NCAM2: variants seen among roughly 807,000 people sequenced by gnomAD.
NCAM2 encodes the protein neural cell adhesion molecule 2.
Under a neutral mutation model 98.1 loss-of-function variants are expected in NCAM2, and 30 were observed. The ratio of observed to expected loss-of-function variants is 0.31; its 90% CI spans 0.23 to 0.41. NCAM2 has a LOEUF of 0.41. Among genes scored for constraint, NCAM2 ranks in the 10% least tolerant of loss-of-function variants. The pLI, the probability that NCAM2 is intolerant of heterozygous loss-of-function variation, is 1.00. For synonymous variants in NCAM2, 368 were observed against 342.4 expected, an observed-to-expected ratio of 1.07 and a Z score of -0.83; for missense variants, 867 against 1,005.8, an observed-to-expected ratio of 0.86 and a Z score of 1.87.
At chr21:21,197,328 C>T (rs892328093) in intron 1 of NCAM2, among the ~76,000 whole-genome samples, 3 of 152,074 alleles carry the variant, frequency 2.0e-5, no homozygotes, top group African/African-American at 7.2e-5. Flanking sequence ...TGAGGTTTCA[C>T]CATGTTGGCC....
At chr21:21,344,157 T>C (rs2075124873) in intron 8 of NCAM2, among the ~76,000 whole-genome samples, 1 of 152,176 alleles carries the variant, frequency 6.6e-6, no homozygotes, top group South Asian at 2.1e-4. Context: ...GAGAACACAC[T>C]GGCTTTCATG....
intron 5 of NCAM2, among the ~76,000 whole-genome samples, chr21:21,296,587 T>C (rs2147610410): frequency 6.6e-6 from 1 of 151,694 alleles, no homozygotes; most frequent in Non-Finnish European, 1.5e-5. Context: ...AAAACCTGAT[T>C]TATGGGACAA....
chr21:21,348,227 A>G (rs1462799684), intron 8 of NCAM2, among the ~76,000 whole-genome samples: 1 of 152,126 alleles, frequency 6.6e-6, no homozygotes. Context: ...GAGACTTCAC[A>G]AGAAAACTGT....
intron 1 of NCAM2, among the ~76,000 whole-genome samples, chr21:21,105,729 A>G (rs2066330364): frequency 6.6e-6 from 1 of 152,152 alleles, no homozygotes; most frequent in Non-Finnish European, 1.5e-5. Flanking sequence ...TTTATTGTAG[A>G]TAAGACACTA....
chr21:21,474,124 A>G (rs1984842332), intron 14 of NCAM2, among the ~76,000 whole-genome samples: 1 of 151,984 alleles, frequency 6.6e-6, no homozygotes, highest in Non-Finnish European at 1.5e-5. Flanking sequence ...ACAGATATGC[A>G]TACTTGAGAT....
intron 5 of NCAM2, among the ~76,000 whole-genome samples, chr21:21,310,910 G>A (rs1335103315): frequency 6.6e-6 from 1 of 152,038 alleles, no homozygotes; most frequent in Admixed American, 6.5e-5. Context: ...TGCCATATTA[G>A]CACAGCTTTA....
intron 1 of NCAM2, among the ~76,000 whole-genome samples, chr21:21,178,639 A>G (rs1389662407): frequency 6.6e-6 from 1 of 152,058 alleles, no homozygotes; most frequent in Non-Finnish European, 1.5e-5. Context: ...CAAGATCTCC[A>G]TATCTGTATT....
At position 21,537,884 on chromosome 21, in the gene NCAM2, TA is replaced by T; in HGVS notation, c.2444del (p.Asn815IlefsTer5). 1 of 1,579,462 alleles carries T rather than the reference TA, an allele frequency of 6.3e-7. No individual in the cohort carries two copies. Among genetic ancestry groups the T allele is most frequent in the South Asian group, 1.2e-5 (1 of 85,458 alleles). ...PLKEEDGKEA[L>X]NPETIEIKVS... ...AAGGAAGAAGATGGGAAAGAAGCTC[TA>T]AATCCAGAAACTATAGAAATTAAAG... On this transcript the variant is annotated frameshift_variant, in exon 18 of 18. Coordinates refer to ENST00000400546, the MANE Select transcript of NCAM2 (RefSeq NM_004540.5). LOFTEE classifies it high-confidence loss of function.
At chr21:21,111,406 A>G (rs965114524) in intron 1 of NCAM2, among the ~76,000 whole-genome samples, 1 of 152,196 alleles carries the variant, frequency 6.6e-6, no homozygotes, top group African/African-American at 2.4e-5. Flanking sequence ...GGTTGGCAGA[A>G]GTGATATCAG....
intron 4 of NCAM2, among the ~76,000 whole-genome samples, chr21:21,287,717 C>T (rs1050115112): frequency 3.9e-5 from 6 of 151,906 alleles, no homozygotes; most frequent in South Asian, 4.2e-4. Context: ...CTGATGACAA[C>T]GGGTAGTGGT....
At chr21:21,498,165 A>T (rs1400470505) in intron 15 of NCAM2, among the ~76,000 whole-genome samples, 1 of 152,170 alleles carries the variant, frequency 6.6e-6, no homozygotes, top group Admixed American at 6.5e-5. Context: ...GTGTGATTCT[A>T]AAAATTAAAA....
intron 1 of NCAM2, among the ~76,000 whole-genome samples, chr21:21,002,567 A>G (rs1270349128): frequency 1.3e-5 from 2 of 152,136 alleles, no homozygotes; most frequent in Non-Finnish European, 2.9e-5. Context: ...GACAATCTGA[A>G]GACTCTGGAA....
intron 12 of NCAM2, among the ~76,000 whole-genome samples, chr21:21,437,075 A>G (rs1252750296): frequency 6.6e-6 from 1 of 152,072 alleles, no homozygotes; most frequent in Non-Finnish European, 1.5e-5. Context: ...ACGCCTCGCC[A>G]GAAGCAACTT....
intron 12 of NCAM2, among the ~76,000 whole-genome samples, chr21:21,447,885 C>G (rs543163284): frequency 3.2e-4 from 48 of 151,988 alleles, no homozygotes; most frequent in Non-Finnish European, 6.9e-4. Flanking sequence ...ATTAAAAAGT[C>G]AAGAAACAAT....
chr21:21,403,968 G>A (rs936271820), intron 9 of NCAM2, among the ~76,000 whole-genome samples: 2 of 151,402 alleles, frequency 1.3e-5, no homozygotes, highest in African/African-American at 4.9e-5. Flanking sequence ...TATTTAAGGG[G>A]TCAGGCTTAA....
intron 8 of NCAM2, among the ~76,000 whole-genome samples, chr21:21,345,837 G>A (rs9977306): frequency 0.24 from 36,261 of 151,756 alleles, 4,558 homozygotes; most frequent in East Asian, 0.39. Flanking sequence ...GACTTGCTGC[G>A]TCCAAATAAT....
chr21:21,190,003 G>T (rs1331919760), intron 1 of NCAM2, among the ~76,000 whole-genome samples: 1 of 152,198 alleles, frequency 6.6e-6, no homozygotes, highest in Non-Finnish European at 1.5e-5. Context: ...ACAAAGGAGA[G>T]CAGCTGCTAA....
intron 15 of NCAM2, among the ~76,000 whole-genome samples, chr21:21,481,071 G>A (rs1160891164): frequency 1.3e-5 from 2 of 152,166 alleles, no homozygotes; most frequent in African/African-American, 4.8e-5. Context: ...ACAGGTGAAT[G>A]GTATGTGAGT....
intron 1 of NCAM2, among the ~76,000 whole-genome samples, chr21:21,018,943 A>G (rs2064373325): frequency 6.6e-6 from 1 of 152,258 alleles, no homozygotes; most frequent in African/African-American, 2.4e-5. Flanking sequence ...ACACCAGTCA[A>G]AATTGTTTCT....
Sources: allele counts gnomAD v4.1 joint callset (sites outside exome capture counted in the v4.1 genomes callset), GRCh38; gene constraint gnomAD v4.1.1; transcripts MANE v1.5; gene names NCBI Gene and HGNC (gene_info 2026-07-23, HGNC 2026-07-21).